The following EYS variants were observed in gnomAD, a reference collection of about 807,000 sequenced individuals.
EYS encodes the protein protein eyes shut homolog.
A neutral mutation model predicts 282.1 loss-of-function variants in EYS; 250 were observed. That is an observed-to-expected ratio of 0.89 (90% CI 0.80 to 0.98). EYS has a LOEUF of 0.98. Among genes scored for constraint, EYS ranks in the 50% least tolerant of loss-of-function variants. The pLI, the probability that EYS is intolerant of heterozygous loss-of-function variation, is 0.00. For synonymous variants in EYS, 1,355 were observed against 1,282.9 expected, an observed-to-expected ratio of 1.06 and a Z score of -1.20; for missense variants, 4,016 against 3,709.0, an observed-to-expected ratio of 1.08 and a Z score of -2.15.
At chr6:64,107,461 GAAGA>G (rs1773068448) in intron 31 of EYS, among the ~76,000 whole-genome samples, 1 of 151,456 alleles carries the variant, frequency 6.6e-6, no homozygotes, top group Non-Finnish European at 1.5e-5. Flanking sequence ...ATCCAGCATG[GAAGA>G]AAGATGTAGC....
At position 64,139,754 on chromosome 6, in the gene EYS, A is replaced by G. The variant is rs540040772; in HGVS notation, c.6425-57752T>C. Among the ~76,000 whole-genome samples the G allele has an allele frequency of 5.9e-5, 9 of 152,152 alleles. 1 individual carries two copies. In the East Asian group the frequency reaches 1.4e-3, roughly 23 times the overall value. On this transcript the variant is annotated intron_variant, in intron 31 of 42. Transcript: ENST00000503581. Reference sequence around the variant, plus strand: ...GGGAGGCCGAGGTGGAAGGATCACGAAGTCAGGAGTTCAAGACCAGCCTGG... The same window carrying G: ...GGGAGGCCGAGGTGGAAGGATCACGGAGTCAGGAGTTCAAGACCAGCCTGG...
chr6:64,780,397 A>C (rs938337172), intron 22 of EYS, among the ~76,000 whole-genome samples: 1 of 152,192 alleles, frequency 6.6e-6, no homozygotes, highest in African/African-American at 2.4e-5. Flanking sequence ...CATTAATCTA[A>C]ACGAAATAAC....
chr6:63,807,493 T>G (rs1770937222), intron 36 of EYS, among the ~76,000 whole-genome samples: 1 of 152,254 alleles, frequency 6.6e-6, no homozygotes, highest in Non-Finnish European at 1.5e-5. Context: ...GGCTTGTATA[T>G]CTTTGTTTTA....
At chr6:64,245,316 G>GTGTTTTGTTT (rs70999138) in intron 30 of EYS, among the ~76,000 whole-genome samples, 17 of 150,762 alleles carry the variant, frequency 1.1e-4, no homozygotes, top group East Asian at 6.0e-4. Context: ...TTTTTTGTGG[G>GTGTTTTGTTT]TGTTTTGTTT....
At chr6:65,005,596 C>T (rs1292686134) in intron 13 of EYS, among the ~76,000 whole-genome samples, 1 of 147,648 alleles carries the variant, frequency 6.8e-6, no homozygotes, top group African/African-American at 2.4e-5. Flanking sequence ...ATACCGGGCA[C>T]CTGTCCGCCA....
chr6:65,353,402 C>T, intron 9 of EYS, 56 bp downstream of exon 9: 2 of 1,497,484 alleles, frequency 1.3e-6, no homozygotes, highest in Non-Finnish European at 1.9e-6. Flanking sequence ...GAATACGTGA[C>T]TAGCAAATTT....
At chr6:64,032,116 C>T (rs1203527709) in intron 33 of EYS, among the ~76,000 whole-genome samples, 3 of 152,138 alleles carry the variant, frequency 2.0e-5, no homozygotes, top group African/African-American at 7.2e-5. Context: ...GACGTGCCAC[C>T]TTAAGAGCTG....
intron 26 of EYS, among the ~76,000 whole-genome samples, chr6:64,564,533 C>T (rs140935331): frequency 0.1 from 15,172 of 151,818 alleles, 943 homozygotes; most frequent in East Asian, 0.17. Context: ...CGTCCACCTC[C>T]GCCTCCCAAA....
intron 24 of EYS, among the ~76,000 whole-genome samples, chr6:64,613,893 G>C (rs1425115793): frequency 1.2e-4 from 18 of 152,070 alleles, no homozygotes; most frequent in Non-Finnish European, 4.4e-5. Context: ...TCTTAACAAG[G>C]CTTGTCCTCA....
intron 26 of EYS, among the ~76,000 whole-genome samples, chr6:64,517,071 T>C (rs1331393846): frequency 6.6e-6 from 1 of 151,878 alleles, no homozygotes; most frequent in African/African-American, 2.4e-5. Context: ...AAATATTCAC[T>C]TTTTCATTTA....
At chr6:64,217,898 C>T (rs1219470287) in intron 31 of EYS, among the ~76,000 whole-genome samples, 2 of 152,196 alleles carry the variant, frequency 1.3e-5, no homozygotes, top group East Asian at 3.9e-4. Context: ...TGAGGAAATC[C>T]CCAAAAGCAT....
At chr6:65,689,942 G>T (rs1466661910) in intron 1 of EYS, among the ~76,000 whole-genome samples, 1 of 149,610 alleles carries the variant, frequency 6.7e-6, no homozygotes, top group Non-Finnish European at 1.5e-5. Context: ...CCGCATTCTG[G>T]TCCCGCAGTA....
intron 2 of EYS, among the ~76,000 whole-genome samples, chr6:65,502,109 T>C (rs1186418742): frequency 6.6e-6 from 1 of 151,770 alleles, no homozygotes; most frequent in Non-Finnish European, 1.5e-5. Context: ...CATTGACCTG[T>C]CATTGAAATT....
intron 21 of EYS, among the ~76,000 whole-genome samples, chr6:64,816,604 AAATACCTAGAGAACATAATGGC>A (rs1309519313): frequency 6.6e-6 from 1 of 151,426 alleles, no homozygotes; most frequent in Non-Finnish European, 1.5e-5. Flanking sequence ...GCTAGAGAAC[AAATACCTAGAGAACATAATGGC>A]ATTTATTTAA....
chr6:65,381,350 G>A (rs12524264), intron 8 of EYS, among the ~76,000 whole-genome samples: 33,295 of 151,914 alleles, frequency 0.22, 4,270 homozygotes, highest in Non-Finnish European at 0.3. Context: ...ATCATCCTCA[G>A]CAAAGCAACA....
At chr6:64,421,767 G>A (rs1774239142) in intron 28 of EYS, among the ~76,000 whole-genome samples, 1 of 151,932 alleles carries the variant, frequency 6.6e-6, no homozygotes, top group Non-Finnish European at 1.5e-5. Flanking sequence ...GTAATAACTT[G>A]GAAACTGCTG....
intron 2 of EYS, among the ~76,000 whole-genome samples, chr6:65,595,834 T>C (rs1345317747): frequency 1.3e-5 from 2 of 152,030 alleles, no homozygotes; most frequent in East Asian, 1.9e-4. Flanking sequence ...TGAGTCTGGA[T>C]TGGATTTAAA....
intron 33 of EYS, among the ~76,000 whole-genome samples, chr6:64,020,405 T>A (rs1212307592): frequency 6.6e-6 from 1 of 152,172 alleles, no homozygotes; most frequent in African/African-American, 2.4e-5. Flanking sequence ...CCAAATTACA[T>A]AAACATACAC....
chr6:64,690,305 G>A (rs953415415), intron 22 of EYS, among the ~76,000 whole-genome samples: 1 of 151,962 alleles, frequency 6.6e-6, no homozygotes, highest in Non-Finnish European at 1.5e-5. Flanking sequence ...TTAGAATGGT[G>A]ATCATTAAAA....
Sources: gnomAD v4.1 joint callset for allele counts (sites outside exome capture counted in the v4.1 genomes callset) on GRCh38, gnomAD v4.1.1 for gene constraint, MANE v1.5 for transcripts, NCBI Gene and HGNC (gene_info 2026-07-23, HGNC 2026-07-21) for gene names.